MRPL27: variants seen among roughly 807,000 people sequenced by gnomAD.
MRPL27 encodes the protein large ribosomal subunit protein bL27m.
Under a neutral mutation model 14.6 loss-of-function variants are expected in MRPL27, and 4 were observed. That is an observed-to-expected ratio of 0.27 (90% CI 0.14 to 0.63). The LOEUF (loss-of-function observed/expected upper bound fraction) is 0.63. MRPL27 is among the 20% of genes least tolerant of loss of function. The pLI is 0.85. For missense variants in MRPL27, 196 were observed against 192.8 expected, an observed-to-expected ratio of 1.02 and a Z score of -0.10; for synonymous variants, 82 against 75.5, an observed-to-expected ratio of 1.09 and a Z score of -0.45.
At chr17:50,372,796 T>C (rs998478025) in intron 1 of MRPL27, 33 of 373,536 alleles carry the variant, frequency 8.8e-5, no homozygotes, top group Non-Finnish European at 1.4e-4. Context: ...GACCTCAATC[T>C]GCTGAATCAA....
chr17:50,372,016 A>T (rs972154517), intron 1 of MRPL27, among the ~76,000 whole-genome samples: 8 of 152,190 alleles, frequency 5.3e-5, no homozygotes, highest in African/African-American at 1.9e-4. Context: ...TGCTAACTCC[A>T]AAACAGATCT....
intron 1 of MRPL27, 35 bp downstream of exon 1, chr17:50,373,096 C>T: frequency 1.2e-6 from 2 of 1,613,676 alleles, no homozygotes; most frequent in South Asian, 2.2e-5. Flanking sequence ...TCTGCCTCCC[C>T]GCCTCACCCC....
chr17:50,370,640 C>T (rs1356122336), intron 1 of MRPL27, 54 bp from the exon 2 acceptor site: 5 of 1,609,250 alleles, frequency 3.1e-6, no homozygotes, highest in African/African-American at 2.7e-5. Flanking sequence ...CTATTTCTGC[C>T]TCAATGGGCC....
intron 1 of MRPL27, among the ~76,000 whole-genome samples, chr17:50,372,663 T>A (rs1396628022): frequency 6.6e-6 from 1 of 152,234 alleles, no homozygotes; most frequent in East Asian, 1.9e-4. Flanking sequence ...CCAGTCTACA[T>A]CTACTTTATA....
chr17:50,370,592 G>C lies in MRPL27; in HGVS notation c.41-6C>G, dbSNP rs780955765. ...GGGGCTTAGCAAGGATGTAACTGCA[G>C]AGAAAACAGAAACATTGTTCAGACA... On this transcript the variant is annotated splice_region_variant and splice_polypyrimidine_tract_variant and intron_variant, in intron 1 of 3. Transcript: ENST00000225969. 2 of 1,613,938 alleles carry C rather than the reference G, an allele frequency of 1.2e-6. No individual in the cohort carries two copies. Among genetic ancestry groups the C allele is most frequent in the African/African-American group, 2.7e-5 (2 of 74,936 alleles).
intron 2 of MRPL27, 140 bp from the exon 3 acceptor site, chr17:50,370,239 AT>A: frequency 8.8e-7 from 1 of 1,136,272 alleles, no homozygotes; most frequent in Non-Finnish European, 1.3e-6. Context: ...GCAGCGCAGG[AT>A]CTGCCACCCA....
intron 1 of MRPL27, chr17:50,371,275 C>T (rs749509468): frequency 6.6e-6 from 1 of 152,324 alleles, no homozygotes; most frequent in Non-Finnish European, 1.5e-5. Flanking sequence ...ATGACTTTCT[C>T]AGCTGTCCAC....
In MRPL27 at chr17:50,370,479, G is replaced by A. The variant is rs768545678; in HGVS notation, c.148C>T (p.Arg50Cys). ...CCTTCCATTTTCTTAATGCCTTGGC[G>A]TCTGCCTGATGACTTTCCACCGAGG... is the stretch of plus-strand genomic sequence containing the variant. Reference protein sequence around the residue: ...KNLGGKSSGRRQGIKKMEGHY... With the variant: ...KNLGGKSSGRCQGIKKMEGHY... The change falls in exon 2 of 4, where the codon CGC becomes TGC. Residue 50 changes from arginine to cysteine, a missense_variant. Physicochemically the swap from Arg to Cys is radical, Grantham distance 180. Transcript: ENST00000225969. 1.2e-5 allele frequency: 20 copies of A among 1,614,054 alleles called. No homozygotes were observed. The Admixed American group carries it at 1.5e-4, about 12-fold the overall frequency.
chr17:50,370,236 A>G (rs1033014147), intron 2 of MRPL27, 137 bp from the exon 3 acceptor site: 26 of 1,136,864 alleles, frequency 2.3e-5, no homozygotes, highest in Non-Finnish European at 3.3e-5. Flanking sequence ...CAAGCAGCGC[A>G]GGATCTGCCA....
intron 3 of MRPL27, chr17:50,368,861 A>C (rs1402123186): frequency 2.8e-6 from 2 of 702,368 alleles, no homozygotes; most frequent in Admixed American, 4.0e-5. Context: ...TATTATTTCC[A>C]ACGCCACTTT....
intron 1 of MRPL27, among the ~76,000 whole-genome samples, chr17:50,372,379 G>A (rs1049359762): frequency 2.6e-5 from 4 of 152,036 alleles, no homozygotes; most frequent in African/African-American, 7.2e-5. Context: ...CTGAGTATCT[G>A]AGACCACAGG....
At chr17:50,368,813 A>T (rs1332225427) in intron 3 of MRPL27, 2 of 701,160 alleles carry the variant, frequency 2.9e-6, no homozygotes, top group African/African-American at 3.5e-5. Flanking sequence ...GCCCTTTAAT[A>T]CACATTAAGT....
rs1447049282 is a variant in MRPL27, at chr17:50,367,894, G to T, written c.*198C>A. On this transcript the variant is annotated 3_prime_UTR_variant, in exon 4 of 4. Coordinates refer to ENST00000225969, the MANE Select transcript of MRPL27 (RefSeq NM_016504.3). ...TCCCTAAATAGCATGCGTTCATGAC[G>T]CTGGCTCACTTTATTTTTGGCCCCA... is the stretch of plus-strand genomic sequence containing the variant. 4.9e-6 allele frequency: 3 copies of T among 610,886 alleles called. No homozygotes were observed. Among genetic ancestry groups the T allele is most frequent in the South Asian group, 4.0e-5 (2 of 50,342 alleles). The allele number at this position is 610,886 out of a possible 1,614,324, so 37.8% of individuals were successfully genotyped here. A position where few individuals can be genotyped will look rare whatever the true frequency, so the allele number is the denominator to read the frequency against.
Position 50,373,183 on chromosome 17 carries a change from T to C in MRPL27, c.-13A>G. 1 of 1,607,150 alleles carries C rather than the reference T, an allele frequency of 6.2e-7. No homozygotes were observed. The highest frequency in any genetic ancestry group is 2.2e-5 in the East Asian group (1 of 44,888). On this transcript the variant is annotated 5_prime_UTR_variant, in exon 1 of 4. Coordinates refer to ENST00000225969, the MANE Select transcript of MRPL27 (RefSeq NM_016504.3). ...CCACCGACGCCATGCTTTCGATCAC[T>C]CACTTCCGGTCTCGAAAAGTTTCTA...
At position 50,370,582 on chromosome 17, in the gene MRPL27, T is replaced by C. The variant is rs142702904; in HGVS notation, c.45A>G (p.Thr15=). ...VLALRTRTAV[T]SLLSPTPATA... is the part of the protein sequence containing the mutation. ...TAGCCGGAGTGGGGCTTAGCAAGGA[T>C]GTAACTGCAGAGAAAACAGAAACAT... is the stretch of plus-strand genomic sequence containing the variant. The change falls in exon 2 of 4, where the codon ACA becomes ACG. Residue 15 remains threonine, a synonymous_variant. Coordinates refer to ENST00000225969, the MANE Select transcript of MRPL27 (RefSeq NM_016504.3). 8 of 1,614,128 alleles carry C rather than the reference T, an allele frequency of 5.0e-6. No individual in the cohort carries two copies. Among genetic ancestry groups the C allele is most frequent in the Non-Finnish European group, 6.8e-6 (8 of 1,179,994 alleles).
rs954864164 is a variant in MRPL27 at position 50,370,298 on chromosome 17, C to G, written c.172+157G>C. 8 of 1,301,626 alleles carry G rather than the reference C, an allele frequency of 6.1e-6. No individual in the cohort carries two copies. The African/African-American group carries it at 1.2e-4, about 19-fold the overall frequency. The allele number at this position is 1,301,626 out of a possible 1,614,324, so 80.6% of individuals were successfully genotyped here. ...TGGTTATGGCTCACACCCACCCACT[C>G]GATGACCCTTCCTCAGGTCTTATCC... On this transcript the variant is annotated intron_variant, in intron 2 of 3. Coordinates refer to ENST00000225969, the MANE Select transcript of MRPL27 (RefSeq NM_016504.3).
rs1168728992 is a variant in MRPL27, at chr17:50,369,777, G to A, written c.240+255C>T. 3 of 533,388 alleles carry A rather than the reference G, an allele frequency of 5.6e-6. No individual in the cohort carries two copies. The African/African-American group carries it at 6.0e-5, about 11-fold the overall frequency. 33.0% of individuals were successfully genotyped at this position (533,388 alleles called of 1,614,324 possible). On this transcript the variant is annotated intron_variant, in intron 3 of 3. Coordinates refer to ENST00000225969, the MANE Select transcript of MRPL27 (RefSeq NM_016504.3). ...CAATGCAACACCAGGGCAAATCATA[G>A]TGATCTGGGAGTTAGGCAGACCTGG... is the stretch of plus-strand genomic sequence containing the variant.
intron 1 of MRPL27, chr17:50,370,985 C>T (rs16948953): frequency 0.05 from 8,088 of 162,448 alleles, 753 homozygotes; most frequent in African/African-American, 0.18. Flanking sequence ...GGCTCACCCA[C>T]GACTTTCTTT....
intron 1 of MRPL27, 187 bp from the exon 2 acceptor site, chr17:50,370,773 A>C: frequency 8.0e-5 from 22 of 275,204 alleles, no homozygotes; most frequent in Admixed American, 1.3e-4. Context: ...CTTTTGGGGG[A>C]GGGGGCGGGG....
Sources: allele counts gnomAD v4.1 joint callset (sites outside exome capture counted in the v4.1 genomes callset), GRCh38; gene constraint gnomAD v4.1.1; transcripts MANE v1.5; gene names NCBI Gene and HGNC (gene_info 2026-07-23, HGNC 2026-07-21).